The following PTPRQ variants were observed in gnomAD, a reference collection of about 807,000 sequenced individuals.
The protein encoded by PTPRQ is phosphatidylinositol phosphatase PTPRQ.
PTPRQ carries 199 observed loss-of-function variants against 246.0 expected under a neutral mutation model. The observed-to-expected ratio is 0.81, with a 90% CI of 0.72 to 0.91. The LOEUF (loss-of-function observed/expected upper bound fraction) is 0.91. PTPRQ is among the 40% of genes least tolerant of loss of function. The pLI is 0.00. For missense variants in PTPRQ, 2,624 were observed against 2,528.4 expected, an observed-to-expected ratio of 1.04 and a Z score of -0.81; for synonymous variants, 869 against 853.2, an observed-to-expected ratio of 1.02 and a Z score of -0.32.
intron 39 of PTPRQ, among the ~76,000 whole-genome samples, chr12:80,666,151 A>T (rs986985392): frequency 2.6e-5 from 4 of 152,082 alleles, no homozygotes; most frequent in African/African-American, 9.7e-5. Context: ...AATAGATGAG[A>T]TAAAGAATCA....
intron 3 of PTPRQ, among the ~76,000 whole-genome samples, chr12:80,453,104 A>G (rs1385126118): frequency 2.0e-5 from 3 of 151,610 alleles, no homozygotes; most frequent in African/African-American, 4.8e-5. Flanking sequence ...TTCTCACTTC[A>G]TTTCATTCAT....
At chr12:80,662,214 T>C (rs1592771515) in intron 39 of PTPRQ, among the ~76,000 whole-genome samples, 1 of 152,104 alleles carries the variant, frequency 6.6e-6, no homozygotes, top group East Asian at 1.9e-4. Flanking sequence ...CTCCATCTCA[T>C]ATGCTATTCT....
intron 4 of PTPRQ, 131 bp downstream of exon 4, chr12:80,457,775 A>G: frequency 2.5e-6 from 1 of 394,072 alleles, no homozygotes; most frequent in Non-Finnish European, 4.5e-6. Context: ...AATTAGTTTT[A>G]GAGTTCTTTC....
Position 80,561,816 on chromosome 12 carries a change from A to G in PTPRQ, c.4285+12082A>G, listed in dbSNP as rs558815744. ...CTGCACTGACTAGAAATTTAGCTCTATGTTGAATAAGAGCAATGAAAGAGG... is the reference window on the plus strand; with the variant it reads ...CTGCACTGACTAGAAATTTAGCTCTGTGTTGAATAAGAGCAATGAAAGAGG... On this transcript the variant is annotated intron_variant, in intron 25 of 44. Transcript: ENST00000644991. Among the ~76,000 whole-genome samples the G allele has an allele frequency of 1.4e-4, 22 of 152,084 alleles. No homozygotes were observed. The South Asian group carries it at 3.5e-3, about 24-fold the overall frequency.
At chr12:80,614,529 A>G (rs1317448166) in intron 29 of PTPRQ, among the ~76,000 whole-genome samples, 2 of 150,946 alleles carry the variant, frequency 1.3e-5, no homozygotes, top group Non-Finnish European at 3.0e-5. Flanking sequence ...TTATCAGGTC[A>G]TTGATAATAA....
chr12:80,546,424 A>G (rs1427717558), intron 23 of PTPRQ, 132 bp from the exon 24 acceptor site: 3 of 925,506 alleles, frequency 3.2e-6, no homozygotes, highest in African/African-American at 1.7e-5. Context: ...TATTTGTTTT[A>G]TTATAATTTA....
intron 8 of PTPRQ, among the ~76,000 whole-genome samples, chr12:80,483,227 G>A (rs1196891204): frequency 4.6e-5 from 6 of 131,554 alleles, no homozygotes; most frequent in African/African-American, 1.2e-4. Flanking sequence ...TCCTTTGTAG[G>A]GACATGGATG....
At chr12:80,617,101 G>A (rs755788373) in intron 30 of PTPRQ, among the ~76,000 whole-genome samples, 3 of 151,188 alleles carry the variant, frequency 2.0e-5, no homozygotes, top group South Asian at 2.1e-4. Context: ...GACAGCATTA[G>A]GCTGGGTTTA....
chr12:80,553,649 G>A (rs149960645), intron 25 of PTPRQ, among the ~76,000 whole-genome samples: 281 of 152,090 alleles, frequency 1.8e-3, no homozygotes, highest in Middle Eastern at 0.017. Flanking sequence ...AACATGTATC[G>A]TGACGATTGA....
intron 30 of PTPRQ, among the ~76,000 whole-genome samples, chr12:80,616,961 C>A (rs750059392): frequency 4.6e-5 from 7 of 151,042 alleles, no homozygotes; most frequent in Non-Finnish European, 7.4e-5. Flanking sequence ...GTAATAAAAC[C>A]TTCAGAGAGG....
intron 5 of PTPRQ, among the ~76,000 whole-genome samples, 184 bp downstream of exon 5, chr12:80,459,667 C>A: frequency 6.6e-6 from 1 of 152,056 alleles, no homozygotes; most frequent in East Asian, 1.9e-4. Flanking sequence ...CACAATTGGC[C>A]TCATTCAGGT....
chr12:80,467,390 C>T (rs1441745690), intron 6 of PTPRQ, among the ~76,000 whole-genome samples: 5 of 152,126 alleles, frequency 3.3e-5, no homozygotes, highest in Non-Finnish European at 5.9e-5. Flanking sequence ...GAAATAGGAA[C>T]ATTTTTACAC....
intron 9 of PTPRQ, among the ~76,000 whole-genome samples, chr12:80,486,805 G>T (rs1894290101): frequency 6.6e-6 from 1 of 152,074 alleles, no homozygotes; most frequent in African/African-American, 2.4e-5. Context: ...TCCCCAGTGT[G>T]CAACACAAGA....
intron 33 of PTPRQ, among the ~76,000 whole-genome samples, chr12:80,622,520 A>G (rs1322896428): frequency 1.3e-5 from 2 of 152,028 alleles, no homozygotes; most frequent in Non-Finnish European, 2.9e-5. Flanking sequence ...CTAAATTTCC[A>G]CAATGCACAA....
In PTPRQ at chr12:80,468,786, A is replaced by C; in HGVS notation, c.987A>C (p.Pro329=). ...GKSFSILWDP[P]TIVTGKFSYR... is the part of the protein sequence containing the mutation. ...CCTTTTCAATTTTATGGGACCCACC[A>C]ACTATAGTAACAGGGAAATTTAGTT... Residue 329 remains proline, a synonymous_variant, in exon 7 of 45, where the codon CCA becomes CCC. Coordinates refer to ENST00000644991, the MANE Select transcript of PTPRQ (RefSeq NM_001145026.2). 6.5e-7 allele frequency: 1 copy of C among 1,550,368 alleles called. No individual in the cohort carries two copies. Among genetic ancestry groups the C allele is most frequent in the African/African-American group, 1.4e-5 (1 of 73,154 alleles).
intron 27 of PTPRQ, 127 bp from the exon 28 acceptor site, chr12:80,610,312 T>C: frequency 1.4e-6 from 1 of 706,628 alleles, no homozygotes; most frequent in Non-Finnish European, 2.0e-6. Flanking sequence ...CAGAGCAATC[T>C]GATTGTAAAA....
intron 7 of PTPRQ, among the ~76,000 whole-genome samples, chr12:80,470,104 ATGTT>A (rs776936214): frequency 6.6e-6 from 1 of 152,220 alleles, no homozygotes; most frequent in South Asian, 2.1e-4. Flanking sequence ...CATATAAAGC[ATGTT>A]TGTTTGCTGA....
At chr12:80,489,027 A>G (rs1468789310) in intron 9 of PTPRQ, among the ~76,000 whole-genome samples, 3 of 152,030 alleles carry the variant, frequency 2.0e-5, no homozygotes, top group Non-Finnish European at 4.4e-5. Flanking sequence ...GATATCTACC[A>G]CTGCAAAAGT....
intron 8 of PTPRQ, among the ~76,000 whole-genome samples, chr12:80,477,970 C>T (rs1893879111): frequency 6.6e-6 from 1 of 152,350 alleles, no homozygotes; most frequent in South Asian, 2.1e-4. Flanking sequence ...CCCGCCATTG[C>T]CCAGGCTTGC....
Sources: allele counts gnomAD v4.1 joint callset (sites outside exome capture counted in the v4.1 genomes callset), GRCh38; gene constraint gnomAD v4.1.1; transcripts MANE v1.5; gene names NCBI Gene and HGNC (gene_info 2026-07-23, HGNC 2026-07-21).